Variants in FECH observed in about 807,000 individuals in gnomAD.
FECH encodes ferrochelatase, mitochondrial.
In FECH, 40 loss-of-function variants were observed where a neutral mutation model predicts 56.9. That is an observed-to-expected ratio of 0.70 (90% CI 0.55 to 0.92). FECH has a LOEUF of 0.92. Ranked by LOEUF, FECH falls within the 40% of genes least tolerant of loss-of-function variation. FECH has a pLI of 0.00. For missense variants in FECH, 431 were observed against 529.1 expected (o/e 0.81, Z 1.82); for synonymous variants, 175 against 198.6 (o/e 0.88, Z 1.00).
chr18:57,561,511 CCT>C (rs1418739933), intron 6 of FECH, among the ~76,000 whole-genome samples: 2 of 152,196 alleles, frequency 1.3e-5, no homozygotes, highest in Admixed American at 6.5e-5. Context: ...CTACTCCCAA[CCT>C]CTCTGCAGAA....
intron 2 of FECH, among the ~76,000 whole-genome samples, chr18:57,574,486 A>C (rs1195477180): frequency 2.6e-5 from 4 of 152,266 alleles, no homozygotes; most frequent in African/African-American, 9.6e-5. Context: ...AAGCAGGAAG[A>C]AGCAAAAAGA....
intron 3 of FECH, 79 bp from the exon 4 acceptor site, chr18:57,571,619 GA>G: frequency 6.2e-7 from 1 of 1,604,946 alleles, no homozygotes; most frequent in South Asian, 1.1e-5. Context: ...CAATAAAAAA[GA>G]AAAAAAGCAA....
At chr18:57,554,520 CG>C in intron 8 of FECH, 96 bp from the exon 9 acceptor site, 2 of 1,283,930 alleles carry the variant, frequency 1.6e-6, no homozygotes, top group Non-Finnish European at 2.3e-6. Flanking sequence ...CTGCCCACTG[CG>C]GGCAAGAGCC....
In FECH at chr18:57,557,094, G is replaced by A. The variant is rs143922653; in HGVS notation, c.804+2051C>T. ...ACAAGTGGCATCCACATGAAGCCTG[G>A]AGTGCAGTTAATAGTATTGTACCAG... On this transcript the variant is annotated intron_variant, in intron 7 of 10. Transcript: ENST00000262093. Among the ~76,000 whole-genome samples the A allele has an allele frequency of 3.7e-4, 57 of 152,154 alleles. 1 individual carries two copies. In the East Asian group the frequency reaches 0.011, roughly 29 times the overall value.
At chr18:57,565,661 T>C (rs2051006853) in intron 5 of FECH, among the ~76,000 whole-genome samples, 1 of 152,198 alleles carries the variant, frequency 6.6e-6, no homozygotes, top group Non-Finnish European at 1.5e-5. Flanking sequence ...TGAACAAATA[T>C]TTAAGGCACA....
chr18:57,561,379 A>G (rs1329678397), intron 6 of FECH, among the ~76,000 whole-genome samples: 1 of 152,214 alleles, frequency 6.6e-6, no homozygotes, highest in Non-Finnish European at 1.5e-5. Flanking sequence ...CGGCTTGCAA[A>G]GCTGCAAGTA....
chr18:57,556,280 G>A (rs560715894), intron 7 of FECH, among the ~76,000 whole-genome samples: 1 of 152,102 alleles, frequency 6.6e-6, no homozygotes. Context: ...CTACAAACAC[G>A]ATCTACCCAT....
Position 57,586,649 on chromosome 18 carries a change from G to A in FECH, c.-29C>T. The A allele has an allele frequency of 1.3e-6, 2 of 1,491,854 alleles. No individual in the cohort carries two copies. Among genetic ancestry groups the A allele is most frequent in the South Asian group, 2.5e-5 (2 of 79,992 alleles). The allele number at this position is 1,491,854 out of a possible 1,614,324, so 92.4% of individuals were successfully genotyped here. ...CTGGGCAGCCTCGGCCCGAGTCCGGGCTCCTCCCGCGGCGGCGCGCCCAGG... is the reference window on the plus strand; with the variant it reads ...CTGGGCAGCCTCGGCCCGAGTCCGGACTCCTCCCGCGGCGGCGCGCCCAGG... On this transcript the variant is annotated 5_prime_UTR_variant, in exon 1 of 11. Coordinates refer to ENST00000262093, the MANE Select transcript of FECH (RefSeq NM_000140.5).
chr18:57,579,289 ATGTG>A (rs71171043), intron 2 of FECH, among the ~76,000 whole-genome samples: 27 of 142,000 alleles, frequency 1.9e-4, no homozygotes, highest in South Asian at 1.1e-3. Context: ...GTGTGTATAT[ATGTG>A]TGTGTGTGTG....
chr18:57,561,320 G>A (rs904583758), intron 6 of FECH, among the ~76,000 whole-genome samples: 7 of 152,096 alleles, frequency 4.6e-5, no homozygotes, highest in African/African-American at 1.7e-4. Flanking sequence ...TTGTTTTCTG[G>A]TTTCCAAAAA....
chr18:57,560,493 T>G (rs2050930406), intron 6 of FECH, among the ~76,000 whole-genome samples: 2 of 152,112 alleles, frequency 1.3e-5, no homozygotes, highest in South Asian at 2.1e-4. Context: ...TCCACAACAT[T>G]TTTAAAAATT....
At chr18:57,556,972 T>G (rs2050876835) in intron 7 of FECH, among the ~76,000 whole-genome samples, 1 of 143,116 alleles carries the variant, frequency 7.0e-6, no homozygotes, top group Non-Finnish European at 1.5e-5. Context: ...GTATCAGGAC[T>G]GTCACAGATT....
intron 5 of FECH, among the ~76,000 whole-genome samples, chr18:57,565,601 A>T (rs928063047): frequency 9.9e-5 from 15 of 152,268 alleles, no homozygotes; most frequent in Middle Eastern, 3.4e-3. Context: ...AGAAATGATA[A>T]TTCAAACTCT....
At chr18:57,555,547 T>C (rs1335048944) in intron 7 of FECH, among the ~76,000 whole-genome samples, 1 of 152,244 alleles carries the variant, frequency 6.6e-6, no homozygotes, top group Non-Finnish European at 1.5e-5. Flanking sequence ...AAATGTTTCA[T>C]ACATGATCCC....
intron 2 of FECH, among the ~76,000 whole-genome samples, chr18:57,579,546 C>T (rs896927214): frequency 2.0e-5 from 3 of 152,074 alleles, no homozygotes; most frequent in African/African-American, 7.2e-5. Context: ...TGCAACAATG[C>T]CATGCCTGCT....
At chr18:57,566,716 T>C in intron 4 of FECH, 135 bp from the exon 5 acceptor site, 1 of 1,047,452 alleles carries the variant, frequency 9.5e-7, no homozygotes, top group Non-Finnish European at 1.4e-6. Flanking sequence ...TGAAGGCAAG[T>C]TTAGCATATT....
chr18:57,566,386 C>T, intron 5 of FECH, 61 bp downstream of exon 5: 1 of 1,611,784 alleles, frequency 6.2e-7, no homozygotes, highest in East Asian at 2.2e-5. Context: ...AGTACTTAGA[C>T]TCCTTGGTTA....
intron 9 of FECH, among the ~76,000 whole-genome samples, chr18:57,552,091 C>G (rs900837851): frequency 6.6e-6 from 1 of 151,872 alleles, no homozygotes; most frequent in African/African-American, 2.4e-5. Context: ...ACCATGTTGG[C>G]CAGGCTGGTC....
chr18:57,567,194 T>G (rs1327243634), intron 4 of FECH, among the ~76,000 whole-genome samples: 1 of 152,152 alleles, frequency 6.6e-6, no homozygotes, highest in Non-Finnish European at 1.5e-5. Flanking sequence ...CAAGAGCTCT[T>G]GCATACGTAA....
Sources: gnomAD v4.1 joint callset for allele counts (sites outside exome capture counted in the v4.1 genomes callset) on GRCh38, gnomAD v4.1.1 for gene constraint, MANE v1.5 for transcripts, NCBI Gene and HGNC (gene_info 2026-07-23, HGNC 2026-07-21) for gene names.